Variants in KASH5 observed in about 807,000 individuals in gnomAD.
KASH5 encodes the protein KASH domain containing 5, also known as protein KASH5.
KASH5 carries 72 observed loss-of-function variants against 84.2 expected under a neutral mutation model. The ratio of observed to expected loss-of-function variants is 0.85; its 90% CI spans 0.71 to 1.04. The LOEUF is 1.04. Ranked by LOEUF, KASH5 falls within the 50% of genes least tolerant of loss-of-function variation. The pLI, the probability that KASH5 is intolerant of heterozygous loss-of-function variation, is 0.00. For synonymous variants in KASH5, 260 were observed against 279.1 expected (o/e 0.93, Z 0.68); for missense variants, 650 against 701.0 (o/e 0.93, Z 0.82).
intron 1 of KASH5, 22 bp from the exon 2 acceptor site, chr19:49,390,767 C>T (rs983004784): frequency 5.4e-6 from 5 of 920,942 alleles, no homozygotes; most frequent in Non-Finnish European, 7.5e-6. Flanking sequence ...CTGAGGACAC[C>T]ATTTCCTGCT....
At position 49,417,167 on chromosome 19, in the gene KASH5, G is replaced by T. The variant is rs764513093; in HGVS notation, c.1448G>T (p.Arg483Leu). 1 of 1,613,700 alleles carries T rather than the reference G, an allele frequency of 6.2e-7. No homozygotes were observed. Among genetic ancestry groups the T allele is most frequent in the South Asian group, 1.1e-5 (1 of 90,988 alleles). ...IPENPPERPA[R>L]RELQQALVPV... ...CTCCTTCACCCCAGCAGACCTGCGC[G>T]GCGGGAACTCCAGCAAGCCCTGGTG... The change falls in exon 19 of 20, where the codon CGG becomes CTG. Residue 483 changes from arginine to leucine, a missense_variant. Physicochemically the swap from Arg to Leu is moderately radical, Grantham distance 102 (BLOSUM62 -2). Coordinates refer to ENST00000447857, the MANE Select transcript of KASH5 (RefSeq NM_144688.5). The surrounding 1 kb of genome is among the most constrained non-coding windows in gnomAD (Gnocchi z 5.2).
At position 49,395,895 on chromosome 19, in the gene KASH5, C is replaced by A; in HGVS notation, c.400+62C>A. On this transcript the variant is annotated intron_variant, in intron 5 of 19. Coordinates refer to ENST00000447857, the MANE Select transcript of KASH5 (RefSeq NM_144688.5). The surrounding 1 kb of genome is among the most constrained non-coding windows in gnomAD (Gnocchi z 4.4). ...CTGGGTCAGACAGTGTGGGGACTTA[C>A]CACCCAGGGCAGAGCAAGGGATAGG... 3 of 1,392,300 alleles carry A rather than the reference C, an allele frequency of 2.2e-6. No homozygotes were observed. The highest frequency in any genetic ancestry group is 1.8e-4 in the Middle Eastern group (1 of 5,636). The allele number at this position is 1,392,300 out of a possible 1,614,324, so 86.2% of individuals were successfully genotyped here.
At chr19:49,405,994 G>T (rs901252655) in intron 9 of KASH5, among the ~76,000 whole-genome samples, 74 of 150,472 alleles carry the variant, frequency 4.9e-4, no homozygotes, top group African/African-American at 1.7e-3. Flanking sequence ...TGGGTGTTGT[G>T]GCAGGTGGCT....
chr19:49,413,826 G>T (rs1974805341), intron 16 of KASH5, among the ~76,000 whole-genome samples: 1 of 152,104 alleles, frequency 6.6e-6, no homozygotes. Flanking sequence ...ACCTTGAGAG[G>T]GGTTGGGTCC....
chr19:49,416,395 G>A lies in KASH5; in HGVS notation c.1375-620G>A, dbSNP rs2122244397. Among the ~76,000 whole-genome samples the A allele has an allele frequency of 6.6e-6, 1 of 152,318 alleles. No individual in the cohort carries two copies. Among genetic ancestry groups the A allele is most frequent in the African/African-American group, 2.4e-5 (1 of 41,582 alleles). On this transcript the variant is annotated intron_variant, in intron 17 of 19. Transcript: ENST00000447857. The surrounding 1 kb of genome is among the most constrained non-coding windows in gnomAD (Gnocchi z 5.4). ...TTTAGTAGAGACGGAGTTTCGCCAT[G>A]TTGGCCAGGTTGGTCTCCATGTCCT... is the stretch of plus-strand genomic sequence containing the variant.
At chr19:49,407,013 T>C in intron 10 of KASH5, 50 bp downstream of exon 10, 1 of 1,533,328 alleles carries the variant, frequency 6.5e-7, no homozygotes, top group South Asian at 1.2e-5. Context: ...CCGGGGCCAT[T>C]TTTCCCATTT....
rs1974161604 is a variant in KASH5, at chr19:49,395,915, G to T, written c.400+82G>T. 5 of 1,180,132 alleles carry T rather than the reference G, an allele frequency of 4.2e-6. No homozygotes were observed. The highest frequency in any genetic ancestry group is 4.0e-5 in the Admixed American group (2 of 50,180). The allele number at this position is 1,180,132 out of a possible 1,614,324, so 73.1% of individuals were successfully genotyped here. A position where few individuals can be genotyped will look rare whatever the true frequency, so the allele number is the denominator to read the frequency against. ...ACTTACCACCCAGGGCAGAGCAAGG[G>T]ATAGGGTAGGAACCAGGGACCTTTA... On this transcript the variant is annotated intron_variant, in intron 5 of 19. Transcript: ENST00000447857. The surrounding 1 kb of genome is among the most constrained non-coding windows in gnomAD (Gnocchi z 4.4).
chr19:49,415,431 C>T (rs993917678), intron 17 of KASH5: 2 of 258,750 alleles, frequency 7.7e-6, no homozygotes, highest in Non-Finnish European at 7.5e-6. Flanking sequence ...TTCCTCTGCT[C>T]CTCAGAGCCC....
chr19:49,409,950 C>G, intron 15 of KASH5, 75 bp downstream of exon 15: 1 of 1,549,366 alleles, frequency 6.5e-7, no homozygotes, highest in Non-Finnish European at 8.8e-7. Context: ...CTGGCCAGCC[C>G]ATTCACTCAC....
Position 49,412,144 on chromosome 19 carries a change from A to G in KASH5, c.1270-824A>G, listed in dbSNP as rs1281567914. On this transcript the variant is annotated intron_variant, in intron 15 of 19. Transcript: ENST00000447857. This position sits in a 1 kb window ranked among gnomAD's most constrained non-coding sequence, Gnocchi z 4.6. ...AAGCTAACAGATTGTACTTTTCTTC[A>G]TAAAGCCACAAGAAGGGTGGGGTCA... Among the ~76,000 whole-genome samples, 1 of 152,224 alleles carries G rather than the reference A, an allele frequency of 6.6e-6. No individual in the cohort carries two copies. The highest frequency in any genetic ancestry group is 2.1e-4 in the South Asian group (1 of 4,828).
At chr19:49,411,906 G>GGGAGGGAA (rs1210776993) in intron 15 of KASH5, among the ~76,000 whole-genome samples, 1 of 135,766 alleles carries the variant, frequency 7.4e-6, no homozygotes, top group Non-Finnish European at 1.6e-5. Flanking sequence ...GAAGGAGGGA[G>GGGAGGGAA]GGAGGGAAGG....
intron 10 of KASH5, 74 bp from the exon 11 acceptor site, chr19:49,407,166 T>C: frequency 1.3e-6 from 2 of 1,545,430 alleles, no homozygotes; most frequent in Non-Finnish European, 8.9e-7. Flanking sequence ...AGAGAACAGG[T>C]GGGGCCAGGT....
In KASH5 at chr19:49,395,231, G is replaced by A. The variant is rs1188502834; in HGVS notation, c.274G>A (p.Val92Met). ...CAATGGGGAGGGCCCTAAGGCCACT[G>A]TGGACTTGGACACTTTCCTGGTTGT... ...DPNGEGPKATVDLDTFLVVMR... is the reference protein window; with the variant it reads ...DPNGEGPKATMDLDTFLVVMR... Residue 92 changes from valine to methionine, a missense_variant, in exon 4 of 20, where the codon GTG (valine) becomes ATG (methionine). Coordinates refer to ENST00000447857, the MANE Select transcript of KASH5 (RefSeq NM_144688.5). The surrounding 1 kb of genome is among the most constrained non-coding windows in gnomAD (Gnocchi z 4.4). 1 of 1,613,084 alleles carries A rather than the reference G, an allele frequency of 6.2e-7. No individual in the cohort carries two copies. The highest frequency in any genetic ancestry group is 1.3e-5 in the African/African-American group (1 of 75,020).
At chr19:49,411,476 T>C (rs991890165) in intron 15 of KASH5, among the ~76,000 whole-genome samples, 1 of 152,214 alleles carries the variant, frequency 6.6e-6, no homozygotes, top group African/African-American at 2.4e-5. Context: ...ATCCTCATCT[T>C]GTTACTCATG....
chr19:49,394,981 C>T (rs1974126073), intron 3 of KASH5, 125 bp from the exon 4 acceptor site: 2 of 706,976 alleles, frequency 2.8e-6, no homozygotes, highest in South Asian at 1.9e-5. Context: ...CAGTGTGTCT[C>T]CACTGGGCCA....
At position 49,395,028 on chromosome 19, in the gene KASH5, C is replaced by T; in HGVS notation, c.149-78C>T. On this transcript the variant is annotated intron_variant, in intron 3 of 19. Transcript: ENST00000447857. The surrounding 1 kb of genome is among the most constrained non-coding windows in gnomAD (Gnocchi z 4.4). ...TGCCACCAGCCTAGCCAGTGACATC[C>T]TGGTCCCAAGCTGCTGCCAGTCCAT... 1.7e-6 allele frequency: 2 copies of T among 1,182,644 alleles called. No individual in the cohort carries two copies. The highest frequency in any genetic ancestry group is 2.3e-6 in the Non-Finnish European group (2 of 859,386). The allele number at this position is 1,182,644 out of a possible 1,614,324, so 73.3% of individuals were successfully genotyped here.
chr19:49,402,305 A>G (rs1024046117), intron 9 of KASH5, among the ~76,000 whole-genome samples: 2 of 152,064 alleles, frequency 1.3e-5, no homozygotes, highest in African/African-American at 2.4e-5. Flanking sequence ...TAATCCCAAC[A>G]CTTTGGGAGG....
rs1974958045 is a variant in KASH5, at chr19:49,417,694, T to C, written c.*184T>C. The C allele has an allele frequency of 1.4e-6, 1 of 711,492 alleles. No homozygotes were observed. Among genetic ancestry groups the C allele is most frequent in the Admixed American group, 3.7e-5 (1 of 27,312 alleles). 44.1% of individuals were successfully genotyped at this position (711,492 alleles called of 1,614,324 possible). ...TTTTAATGCTGACATTTCTTAACAATAGCAAAACTCCCCCAGTAATGGATT... is the reference window on the plus strand; with the variant it reads ...TTTTAATGCTGACATTTCTTAACAACAGCAAAACTCCCCCAGTAATGGATT... On this transcript the variant is annotated 3_prime_UTR_variant, in exon 20 of 20. Coordinates refer to ENST00000447857, the MANE Select transcript of KASH5 (RefSeq NM_144688.5). This position sits in a 1 kb window ranked among gnomAD's most constrained non-coding sequence, Gnocchi z 5.2.
At chr19:49,401,767 C>G (rs1418054542) in intron 9 of KASH5, among the ~76,000 whole-genome samples, 9 of 152,188 alleles carry the variant, frequency 5.9e-5, no homozygotes, top group African/African-American at 2.2e-4. Context: ...CAAAAAATAT[C>G]TTTGTCCTAC....
Sources: gnomAD v4.1 joint callset for allele counts (sites outside exome capture counted in the v4.1 genomes callset) on GRCh38, gnomAD v4.1.1 for gene constraint, Gnocchi (gnomAD v3.1) non-coding constraint, MANE v1.5 for transcripts, NCBI Gene and HGNC (gene_info 2026-07-23, HGNC 2026-07-21) for gene names.